The following NAV2 variants were observed in gnomAD, a reference collection of about 807,000 sequenced individuals.
The protein encoded by NAV2 is helicase, APC down-regulated 1.
A neutral mutation model predicts 223.2 loss-of-function variants in NAV2; 54 were observed. The ratio of observed to expected loss-of-function variants is 0.24; its 90% CI spans 0.19 to 0.30. The LOEUF is 0.30. NAV2 is among the 10% of genes least tolerant of loss of function. NAV2 has a pLI of 1.00. For synonymous variants in NAV2, 1,279 were observed against 1,239.3 expected (o/e 1.03, Z -0.67); for missense variants, 2,806 against 3,147.5 (o/e 0.89, Z 2.60).
At position 20,095,766 on chromosome 11, in the gene NAV2, A is replaced by G. The variant is rs756497710; in HGVS notation, c.6011A>G (p.Lys2004Arg). The G allele has an allele frequency of 6.2e-7, 1 of 1,612,892 alleles. No homozygotes were observed. Among genetic ancestry groups the G allele is most frequent in the Non-Finnish European group, 8.5e-7 (1 of 1,178,890 alleles). ...GATGGGGTGGTTAGACGGCTGTTCAAAGTAAGTGTTTCAAGACAACGGCTA... is the reference window on the plus strand; with the variant it reads ...GATGGGGTGGTTAGACGGCTGTTCAGAGTAAGTGTTTCAAGACAACGGCTA... Reference protein sequence around the residue: ...VLDGVVRRLFKEYIIHVDPVS... With the variant: ...VLDGVVRRLFREYIIHVDPVS... The change falls in exon 30 of 38, where the codon AAA (lysine) becomes AGA (arginine). Residue 2004 changes from lysine (K) to arginine (R), a missense_variant and splice_region_variant. By Grantham distance (26) the Lys-to-Arg change is conservative (BLOSUM62 2). Transcript: ENST00000349880.
Position 19,934,216 on chromosome 11 carries a change from C to G in NAV2, c.1972C>G (p.Pro658Ala), listed in dbSNP as rs761935452. Residue 658 changes from proline (P) to alanine (A), a missense_variant, in exon 7 of 38, where the codon CCT becomes GCT. Around this residue, in one of 4 missense-constraint regions of NAV2, gnomAD observed 1,167 missense variants for 1,180.5 expected, o/e 0.99. Coordinates refer to ENST00000349880, the MANE Select transcript of NAV2 (RefSeq NM_145117.5). Reference protein sequence around the residue: ...TGSNTVSVQLPQPQQQYNHPN... With the variant: ...TGSNTVSVQLAQPQQQYNHPN... Reference sequence around the variant, plus strand: ...AAGCAATACCGTCAGTGTTCAGCTACCTCAGCCCCAGCAGCAATACAACCA... The same window carrying G: ...AAGCAATACCGTCAGTGTTCAGCTAGCTCAGCCCCAGCAGCAATACAACCA... The G allele has an allele frequency of 6.2e-7, 1 of 1,613,082 alleles. No individual in the cohort carries two copies. Among genetic ancestry groups the G allele is most frequent in the Non-Finnish European group, 8.5e-7 (1 of 1,179,546 alleles).
chr11:19,857,171 T>G lies in NAV2; in HGVS notation c.439-11754T>G, dbSNP rs746950360. ...AGATTCACTGCACTCTAGAGACATA[T>G]CTACTCCTGAATTTCAAGGATCTGA... is the stretch of plus-strand genomic sequence containing the variant. On this transcript the variant is annotated intron_variant, in intron 3 of 37. Transcript: ENST00000349880. Among the ~76,000 whole-genome samples the G allele has an allele frequency of 3.7e-4, 56 of 152,256 alleles. 1 individual carries two copies. The highest frequency in any genetic ancestry group is 1.3e-4 in the Admixed American group (2 of 15,290).
intron 1 of NAV2, among the ~76,000 whole-genome samples, chr11:19,694,754 G>A (rs1390044715): frequency 6.6e-6 from 1 of 152,122 alleles, no homozygotes; most frequent in Non-Finnish European, 1.5e-5. Flanking sequence ...GGGGTGCAGG[G>A]ACCACCCAAG....
chr11:19,761,872 T>A (rs2054774815), intron 1 of NAV2, among the ~76,000 whole-genome samples: 2 of 152,244 alleles, frequency 1.3e-5, no homozygotes, highest in South Asian at 4.1e-4. Context: ...ACCTTCACCC[T>A]GGTCCAAACC....
chr11:19,679,430 C>CAAAAAAAAAAAAAAAAAAAA (rs56384242), intron 1 of NAV2, among the ~76,000 whole-genome samples: 24 of 114,114 alleles, frequency 2.1e-4, no homozygotes, highest in African/African-American at 6.4e-4. Context: ...GACTCTGTCT[C>CAAAAAAAAAAAAAAAAAAAA]AAAAAAACAC....
Position 20,068,339 on chromosome 11 carries a change from C to T in NAV2, c.4924C>T (p.Arg1642Trp), listed in dbSNP as rs773808689. 15 of 1,614,122 alleles carry T rather than the reference C, an allele frequency of 9.3e-6. No individual in the cohort carries two copies. Among genetic ancestry groups the T allele is most frequent in the Non-Finnish European group, 1.2e-5 (14 of 1,179,976 alleles). The change falls in exon 22 of 38, where the codon CGG becomes TGG. Residue 1642 changes from arginine (R) to tryptophan (W), a missense_variant. Physicochemically the swap from Arg to Trp is moderately radical, Grantham distance 101. This residue lies in a region of NAV2 where 824 missense variants were observed against 1,069.4 expected (regional missense o/e 0.77). Transcript: ENST00000349880. ...TCATCTTTAGATTCGCAAGCTGCGG[C>T]GGGAACTGGATGCCTCCCAGGAGAA... ...KCQSEIRKLR[R>W]ELDASQEKVS...
intron 9 of NAV2, among the ~76,000 whole-genome samples, chr11:19,947,236 A>G (rs564014616): frequency 6.6e-6 from 1 of 152,336 alleles, no homozygotes; most frequent in South Asian, 2.1e-4. Context: ...CAGTTTTGGA[A>G]GATTGGGGTT....
chr11:19,719,982 C>T (rs2050628672), intron 1 of NAV2, among the ~76,000 whole-genome samples: 1 of 152,174 alleles, frequency 6.6e-6, no homozygotes, highest in Admixed American at 6.5e-5. Context: ...CAGGACAGGA[C>T]CAAGAATGGA....
chr11:19,396,637 G>A (rs1223487687), intron 1 of NAV2, among the ~76,000 whole-genome samples: 1 of 152,144 alleles, frequency 6.6e-6, no homozygotes, highest in Non-Finnish European at 1.5e-5. Flanking sequence ...TGGTTCTCGG[G>A]CCCTGCTCTC....
intron 10 of NAV2, among the ~76,000 whole-genome samples, chr11:19,975,159 T>A (rs931777116): frequency 1.3e-5 from 2 of 152,214 alleles, no homozygotes; most frequent in Non-Finnish European, 2.9e-5. Flanking sequence ...AAATATTTGC[T>A]GCAATTCCAC....
chr11:20,052,338 A>G lies in NAV2; in HGVS notation c.4481+1005A>G, dbSNP rs1453675637. Among the ~76,000 whole-genome samples the G allele has an allele frequency of 1.3e-5, 2 of 152,268 alleles. 1 individual carries two copies. Among genetic ancestry groups the G allele is most frequent in the Admixed American group, 1.3e-4 (2 of 15,284 alleles). On this transcript the variant is annotated intron_variant, in intron 17 of 37. Transcript: ENST00000349880. ...GAGTAAAGCCAGTTCTAAGAATCTA[A>G]GAAGGAAAGTATTAAAATCTCCCAA... is the stretch of plus-strand genomic sequence containing the variant.
Position 19,533,951 on chromosome 11 carries a change from C to G in NAV2, c.75+182924C>G, listed in dbSNP as rs546301877. 2.0e-5 allele frequency among the ~76,000 whole-genome samples: 3 copies of G among 151,044 alleles called. No individual in the cohort carries two copies. The East Asian group carries it at 5.8e-4, about 29-fold the overall frequency. ...TCGATCTCCTGACCTCGTGATCCGC[C>G]CGCCTCGGCCTCCCAAAGTGCTGGG... On this transcript the variant is annotated intron_variant, in intron 1 of 37. Coordinates refer to the NAV2 transcript ENST00000360655.
At chr11:19,589,176 T>C (rs1364076061) in intron 1 of NAV2, among the ~76,000 whole-genome samples, 1 of 152,150 alleles carries the variant, frequency 6.6e-6, no homozygotes, top group Non-Finnish European at 1.5e-5. Context: ...TAAGATGATA[T>C]GGTTACAAAA....
intron 11 of NAV2, among the ~76,000 whole-genome samples, chr11:20,029,593 A>C (rs1241905575): frequency 6.6e-6 from 1 of 152,230 alleles, no homozygotes; most frequent in Admixed American, 6.5e-5. Context: ...ATCTATGGTC[A>C]AGGCAGGGAA....
intron 20 of NAV2, among the ~76,000 whole-genome samples, chr11:20,065,398 A>T (rs2058978819): frequency 6.6e-6 from 1 of 152,202 alleles, no homozygotes; most frequent in Non-Finnish European, 1.5e-5. Flanking sequence ...TGAAATTTGC[A>T]ATTTTAATTA....
intron 6 of NAV2, among the ~76,000 whole-genome samples, chr11:19,896,947 G>A (rs2042031778): frequency 1.3e-5 from 2 of 151,916 alleles, no homozygotes; most frequent in South Asian, 4.2e-4. Flanking sequence ...TGTTTATTGC[G>A]GCACTATTCA....
At chr11:19,715,159 T>C (rs574238868) in intron 1 of NAV2, among the ~76,000 whole-genome samples, 1 of 152,182 alleles carries the variant, frequency 6.6e-6, no homozygotes, top group Non-Finnish European at 1.5e-5. Flanking sequence ...AGCAGACTTT[T>C]GGAACTCTGG....
chr11:19,648,651 G>A (rs1565135976), intron 1 of NAV2, among the ~76,000 whole-genome samples: 1 of 152,168 alleles, frequency 6.6e-6, no homozygotes, highest in Non-Finnish European at 1.5e-5. Flanking sequence ...GAGAGTGGTT[G>A]GTGATGGGGC....
chr11:19,881,669 A>T (rs1319074774), intron 5 of NAV2, among the ~76,000 whole-genome samples: 1 of 152,192 alleles, frequency 6.6e-6, no homozygotes, highest in Non-Finnish European at 1.5e-5. Context: ...GGGAGTCAAG[A>T]ATGAATGAGA....
Sources: gnomAD v4.1 joint callset for allele counts (sites outside exome capture counted in the v4.1 genomes callset) on GRCh38, gnomAD v4.1.1 for gene constraint, gnomAD v4.1.1 regional missense constraint, MANE v1.5 for transcripts, NCBI Gene and HGNC (gene_info 2026-07-23, HGNC 2026-07-21) for gene names.